The following MROH1 variants were observed in gnomAD, a reference collection of about 807,000 sequenced individuals.
The protein encoded by MROH1 is maestro heat-like repeat-containing protein family member 1.
A neutral mutation model predicts 116.5 loss-of-function variants in MROH1; 117 were observed. The ratio of observed to expected loss-of-function variants is 1.00; its 90% CI spans 0.86 to 1.17. The LOEUF (loss-of-function observed/expected upper bound fraction) is 1.17, where lower values mean the gene tolerates loss of function less well. Ranked by LOEUF, MROH1 falls within the 50% of genes most tolerant of loss-of-function variation. The pLI is 0.00. For synonymous variants in MROH1, 921 were observed against 583.9 expected (o/e 1.58, Z -8.32); for missense variants, 1,873 against 1,338.5 (o/e 1.40, Z -6.23).
chr8:144,244,560 A>T, intron 28 of MROH1, 21 bp downstream of exon 28: 2 of 723,952 alleles, frequency 2.8e-6, no homozygotes, highest in East Asian at 2.6e-5. Context: ...GGGAACTGTC[A>T]TGGGGATGGG....
At chr8:144,183,699 T>G (rs1587974049) in intron 7 of MROH1, among the ~76,000 whole-genome samples, 1 of 151,582 alleles carries the variant, frequency 6.6e-6, no homozygotes, top group Non-Finnish European at 1.5e-5. Context: ...CAGGCTGGAG[T>G]GCAGTGGCGC....
intron 29 of MROH1, among the ~76,000 whole-genome samples, 156 bp downstream of exon 29, chr8:144,245,416 T>C (rs1039831626): frequency 2.6e-5 from 4 of 152,222 alleles, no homozygotes; most frequent in Admixed American, 1.3e-4. Context: ...GGCCAGGAGT[T>C]GTCAGGGATG....
chr8:144,219,644 CA>C (rs1201492358), intron 12 of MROH1, among the ~76,000 whole-genome samples: 2 of 152,272 alleles, frequency 1.3e-5, no homozygotes, highest in African/African-American at 4.8e-5. Flanking sequence ...CCAGACGTGA[CA>C]GGGGAGTTCC....
chr8:144,205,544 A>G (rs1429533980), intron 12 of MROH1, among the ~76,000 whole-genome samples: 1 of 151,646 alleles, frequency 6.6e-6, no homozygotes, highest in Non-Finnish European at 1.5e-5. Flanking sequence ...ACACGCATGC[A>G]TGCCAGGATT....
chr8:144,248,978 C>G lies in MROH1; in HGVS notation c.3222C>G (p.Thr1074=), dbSNP rs1037657894. The G allele has an allele frequency of 5.4e-6, 4 of 735,214 alleles. 1 individual carries two copies. The Admixed American group carries it at 7.7e-5, about 14-fold the overall frequency. The allele number at this position is 735,214 out of a possible 1,614,324, so 45.5% of individuals were successfully genotyped here. A position where few individuals can be genotyped will look rare whatever the true frequency, so the allele number is the denominator to read the frequency against. ...AAAAGAACTGCTCCCGAGCAGCTAC[C>G]GTCATGATCAACTGCCTGCTGCAGG... ...DPEKNCSRAA[T]VMINCLLQER... Residue 1074 remains threonine (T), a synonymous_variant, in exon 32 of 44, where the codon ACC becomes ACG. Coordinates refer to ENST00000326134, the MANE Select transcript of MROH1 (RefSeq NM_032450.3).
At chr8:144,235,548 A>C (rs1218293573) in intron 14 of MROH1, among the ~76,000 whole-genome samples, 1 of 152,176 alleles carries the variant, frequency 6.6e-6, no homozygotes, top group Non-Finnish European at 1.5e-5. Context: ...CGGTTTTGTT[A>C]TGAAGAAGTA....
chr8:144,187,889 CG>C (rs1827588831), intron 7 of MROH1, among the ~76,000 whole-genome samples: 1 of 151,948 alleles, frequency 6.6e-6, no homozygotes, highest in African/African-American at 2.4e-5. Context: ...GATGGCTACA[CG>C]GGAGCCAGGT....
chr8:144,261,100 A>G lies in MROH1; in HGVS notation c.4672-14A>G. 2 of 775,494 alleles carry G rather than the reference A, an allele frequency of 2.6e-6. No homozygotes were observed. The highest frequency in any genetic ancestry group is 4.8e-6 in the Non-Finnish European group (2 of 417,640). The allele number at this position is 775,494 out of a possible 1,614,324, so 48.0% of individuals were successfully genotyped here. On this transcript the variant is annotated splice_polypyrimidine_tract_variant and intron_variant, in intron 41 of 43. Transcript: ENST00000326134. Reference sequence around the variant, plus strand: ...GGGGCGGGGCCAGGCGGCACTGACCAGGCCTCTCCCCAGATGCACCATTTC... The same window carrying G: ...GGGGCGGGGCCAGGCGGCACTGACCGGGCCTCTCCCCAGATGCACCATTTC...
At chr8:144,238,988 G>A in intron 15 of MROH1, 47 bp from the exon 16 acceptor site, 1 of 774,002 alleles carries the variant, frequency 1.3e-6, no homozygotes, top group South Asian at 1.3e-5. Flanking sequence ...CTGTCTGCAT[G>A]GGACCGCCCT....
intron 35 of MROH1, among the ~76,000 whole-genome samples, chr8:144,257,659 T>G (rs1023267905): frequency 6.6e-6 from 1 of 152,188 alleles, no homozygotes; most frequent in African/African-American, 2.4e-5. Flanking sequence ...GGCCCCCAGC[T>G]TGGCGGGGCC....
At position 144,190,892 on chromosome 8, in the gene MROH1, A is replaced by G. The variant is rs753207155; in HGVS notation, c.671A>G (p.Tyr224Cys). 5 of 1,613,662 alleles carry G rather than the reference A, an allele frequency of 3.1e-6. No homozygotes were observed. Among genetic ancestry groups the G allele is most frequent in the Admixed American group, 3.3e-5 (2 of 59,994 alleles). ...TTTGCCACCGACATCTTCAGCGCCT[A>G]CGATGTTCTCTTCCATCAGTGGCTG... is the stretch of plus-strand genomic sequence containing the variant. ...DAFATDIFSA[Y>C]DVLFHQWLQS... Residue 224 changes from tyrosine to cysteine, a missense_variant, in exon 8 of 44, where the codon TAC becomes TGC. By Grantham distance (194) the Tyr-to-Cys change is radical. Transcript: ENST00000326134.
At chr8:144,241,216 G>C in intron 21 of MROH1, 105 bp downstream of exon 21, 1 of 700,084 alleles carries the variant, frequency 1.4e-6, no homozygotes, top group Non-Finnish European at 2.6e-6. Context: ...CTGTGTGTGC[G>C]TGTGTGCATA....
chr8:144,166,416 G>A (rs1015265149), intron 3 of MROH1, among the ~76,000 whole-genome samples: 6 of 152,230 alleles, frequency 3.9e-5, no homozygotes, highest in African/African-American at 4.8e-5. Flanking sequence ...ACCTGAGCAC[G>A]CAGGCCCCGG....
chr8:144,226,401 G>A (rs2132509897), intron 14 of MROH1, among the ~76,000 whole-genome samples: 1 of 152,272 alleles, frequency 6.6e-6, no homozygotes. Flanking sequence ...CCACTCATCT[G>A]CGGCATCTGT....
intron 9 of MROH1, 21 bp downstream of exon 9, chr8:144,191,876 T>G (rs1588046589): frequency 6.2e-7 from 1 of 1,612,280 alleles, no homozygotes; most frequent in Non-Finnish European, 8.5e-7. Context: ...GCAGGGCAGG[T>G]CTACTGTCCC....
chr8:144,260,503 C>A (rs927832411), intron 39 of MROH1, 129 bp downstream of exon 39: 44 of 708,690 alleles, frequency 6.2e-5, no homozygotes, highest in Admixed American at 4.0e-4. Context: ...AGAGCGCGGA[C>A]CTGCAGGGCT....
intron 12 of MROH1, among the ~76,000 whole-genome samples, chr8:144,218,707 CTCCTG>C (rs1225619040): frequency 3.9e-5 from 3 of 76,922 alleles, no homozygotes; most frequent in African/African-American, 1.0e-4. Flanking sequence ...CCCCTCTCCC[CTCCTG>C]TCCCCCCTCC....
rs1189487197 is a variant in MROH1, at chr8:144,174,815, G to A, written c.169-4640G>A. 7.0e-5 allele frequency: 69 copies of A among 985,030 alleles called. No homozygotes were observed. In the Admixed American group the frequency reaches 9.2e-4, roughly 13 times the overall value. 61.0% of individuals were successfully genotyped at this position (985,030 alleles called of 1,614,324 possible). A position where few individuals can be genotyped will look rare whatever the true frequency, so the allele number is the denominator to read the frequency against. On this transcript the variant is annotated intron_variant, in intron 4 of 43. Transcript: ENST00000326134. ...TTTTTTGTAAAATGTAGATTCCTAT[G>A]CCTTTTTCATGGGTTCCTATGTTTT...
Position 144,179,574 on chromosome 8 carries a change from G to A in MROH1, c.288G>A (p.Met96Ile), listed in dbSNP as rs967831207. ...TCATCCTCCTGGCCTCCAGCGAGAT[G>A]ACCAAGACGAAGGTATTCAGCAGGC... Reference protein sequence around the residue: ...STIILLASSEMTKTKDLVWDW... With the variant: ...STIILLASSEITKTKDLVWDW... Residue 96 changes from methionine to isoleucine, a missense_variant, in exon 5 of 44, where the codon ATG (methionine) becomes ATA (isoleucine). Physicochemically the swap from Met to Ile is conservative, Grantham distance 10 (BLOSUM62 1). Transcript: ENST00000326134. 1.9e-6 allele frequency: 3 copies of A among 1,609,986 alleles called. No homozygotes were observed. The highest frequency in any genetic ancestry group is 2.5e-6 in the Non-Finnish European group (3 of 1,178,464).
Sources: gnomAD v4.1 joint callset for allele counts (sites outside exome capture counted in the v4.1 genomes callset) on GRCh38, gnomAD v4.1.1 for gene constraint, MANE v1.5 for transcripts, NCBI Gene and HGNC (gene_info 2026-07-23, HGNC 2026-07-21) for gene names.